Variants in ASAP1 observed in about 807,000 individuals in gnomAD.
ASAP1 encodes the protein ArfGAP with SH3 domain, ankyrin repeat and PH domain 1, also known as arf-GAP with SH3 domain, ANK repeat and PH domain-containing protein 1.
Under a neutral mutation model 145.2 loss-of-function variants are expected in ASAP1, and 43 were observed. That is an observed-to-expected ratio of 0.30 (90% CI 0.23 to 0.38). The LOEUF (loss-of-function observed/expected upper bound fraction) is 0.38, where lower values mean the gene tolerates loss of function less well. Ranked by LOEUF, ASAP1 falls within the 10% of genes least tolerant of loss-of-function variation. The pLI, the probability that ASAP1 is intolerant of heterozygous loss-of-function variation, is 1.00. For missense variants in ASAP1, 1,018 were observed against 1,355.3 expected, an observed-to-expected ratio of 0.75 and a Z score of 3.91; for synonymous variants, 546 against 515.5, an observed-to-expected ratio of 1.06 and a Z score of -0.80.
chr8:130,089,865 T>G (rs562217501), intron 25 of ASAP1, among the ~76,000 whole-genome samples: 1 of 152,348 alleles, frequency 6.6e-6, no homozygotes, highest in African/African-American at 2.4e-5. Flanking sequence ...TTTTTTAAAT[T>G]TAAAATTTTG....
intron 9 of ASAP1, 72 bp from the exon 10 acceptor site, chr8:130,169,139 T>C: frequency 1.1e-6 from 1 of 936,076 alleles, no homozygotes; most frequent in Non-Finnish European, 1.6e-6. Flanking sequence ...TATGTGGAAA[T>C]AAAAAAAGGA....
At chr8:130,427,768 C>T (rs2138751352) in intron 1 of ASAP1, 1 of 152,328 alleles carries the variant, frequency 6.6e-6, no homozygotes, top group Non-Finnish European at 1.5e-5. Flanking sequence ...ATCCGTGCTT[C>T]TCCCCTTCAG....
chr8:130,146,237 T>C (rs529166413), intron 13 of ASAP1, among the ~76,000 whole-genome samples: 17 of 152,256 alleles, frequency 1.1e-4, no homozygotes, highest in Admixed American at 3.3e-4. Context: ...CTTGGTTTTA[T>C]ACCTTCAAAT....
At chr8:130,069,347 C>T (rs2135163617) in intron 27 of ASAP1, among the ~76,000 whole-genome samples, 1 of 152,264 alleles carries the variant, frequency 6.6e-6, no homozygotes, top group Non-Finnish European at 1.5e-5. Context: ...GCAATCCTCC[C>T]ACTTCGGCCT....
At chr8:130,334,652 T>G (rs527867700) in intron 3 of ASAP1, among the ~76,000 whole-genome samples, 3 of 152,320 alleles carry the variant, frequency 2.0e-5, no homozygotes, top group African/African-American at 7.2e-5. Context: ...AAACACAAGA[T>G]GAATGAAAAG....
At chr8:130,383,981 A>G (rs1827897484) in intron 2 of ASAP1, among the ~76,000 whole-genome samples, 1 of 152,144 alleles carries the variant, frequency 6.6e-6, no homozygotes, top group African/African-American at 2.4e-5. Flanking sequence ...TGCCCTTCCT[A>G]CGGTTCATGG....
At chr8:130,066,677 TA>T (rs1384450918) in intron 27 of ASAP1, among the ~76,000 whole-genome samples, 1 of 152,108 alleles carries the variant, frequency 6.6e-6, no homozygotes, top group Non-Finnish European at 1.5e-5. Flanking sequence ...TTCCTATACC[TA>T]CCAACTACAC....
chr8:130,398,255 C>T (rs896919401), intron 2 of ASAP1, among the ~76,000 whole-genome samples: 1 of 152,192 alleles, frequency 6.6e-6, no homozygotes, highest in African/African-American at 2.4e-5. Flanking sequence ...CAGAAACCTG[C>T]CTTATGCTTC....
At chr8:130,227,540 G>A (rs960004974) in intron 4 of ASAP1, among the ~76,000 whole-genome samples, 3 of 151,912 alleles carry the variant, frequency 2.0e-5, no homozygotes, top group African/African-American at 7.3e-5. Flanking sequence ...CTACAGGCAT[G>A]AGCCACACTG....
intron 13 of ASAP1, among the ~76,000 whole-genome samples, chr8:130,152,330 A>C (rs1363843622): frequency 1.3e-5 from 2 of 152,210 alleles, no homozygotes; most frequent in Non-Finnish European, 2.9e-5. Context: ...TGTTGGTTTA[A>C]AAAGGGCAAA....
intron 20 of ASAP1, 89 bp from the exon 21 acceptor site, chr8:130,117,084 A>G: frequency 1.2e-6 from 1 of 832,540 alleles, no homozygotes; most frequent in South Asian, 1.8e-5. Flanking sequence ...CTGACAACTG[A>G]GTCAAATTTG....
intron 12 of ASAP1, among the ~76,000 whole-genome samples, chr8:130,158,350 A>AG (rs887246664): frequency 7.0e-6 from 1 of 143,480 alleles, no homozygotes; most frequent in African/African-American, 2.6e-5. Context: ...CTTATATTTA[A>AG]AAAAAAAAAA....
At chr8:130,184,364 T>C (rs1324664615) in intron 7 of ASAP1, among the ~76,000 whole-genome samples, 1 of 152,066 alleles carries the variant, frequency 6.6e-6, no homozygotes, top group Admixed American at 6.5e-5. Context: ...GAGGAACGTG[T>C]AGATAAGTCA....
chr8:130,322,219 T>C (rs1340022), intron 3 of ASAP1, among the ~76,000 whole-genome samples: 74,860 of 151,498 alleles, frequency 0.49, 18,859 homozygotes, highest in East Asian at 0.69. Context: ...CAGTGAAAAA[T>C]TGCATAAGAA....
intron 13 of ASAP1, among the ~76,000 whole-genome samples, chr8:130,137,544 G>A (rs2097597853): frequency 6.6e-6 from 1 of 152,100 alleles, no homozygotes; most frequent in East Asian, 1.9e-4. Flanking sequence ...CATTCAAAAT[G>A]ACCCCGGTAA....
At chr8:130,252,544 GTAATC>G (rs1282801124) in intron 3 of ASAP1, among the ~76,000 whole-genome samples, 21 of 152,114 alleles carry the variant, frequency 1.4e-4, no homozygotes, top group Non-Finnish European at 1.2e-4. Context: ...CATACTCTCA[GTAATC>G]TCCATGTTGC....
intron 3 of ASAP1, among the ~76,000 whole-genome samples, chr8:130,262,814 G>A (rs1250412239): frequency 6.6e-6 from 1 of 152,082 alleles, no homozygotes; most frequent in East Asian, 1.9e-4. Context: ...AAACACAAAA[G>A]CCTGTTCCAT....
In ASAP1 at chr8:130,379,657, T is replaced by C. The variant is rs1197218397; in HGVS notation, c.60-21514A>G. ...TTGGTATAGAGAAAACCCCAAACAT[T>C]TGGAGTCAGAAGTGGTGTCAGAAAG... On this transcript the variant is annotated intron_variant, in intron 2 of 29. Transcript: ENST00000518721. Among the ~76,000 whole-genome samples the C allele has an allele frequency of 3.9e-5, 6 of 152,064 alleles. No individual in the cohort carries two copies. In the East Asian group the frequency reaches 7.7e-4, roughly 20 times the overall value.
rs1047372824 is a variant in ASAP1, at chr8:130,358,801, C to A, written c.60-658G>T. On this transcript the variant is annotated intron_variant, in intron 2 of 29. Coordinates refer to ENST00000518721, the MANE Select transcript of ASAP1 (RefSeq NM_018482.4). This position sits in a 1 kb window ranked among gnomAD's most constrained non-coding sequence, Gnocchi z 4.1. Reference sequence around the variant, plus strand: ...CCCTGGGGCCTGGCTCCGAAGCTGCCGCTCCCGACCCCGGCTGCGCGGCAC... The same window carrying A: ...CCCTGGGGCCTGGCTCCGAAGCTGCAGCTCCCGACCCCGGCTGCGCGGCAC... Among the ~76,000 whole-genome samples the A allele has an allele frequency of 6.7e-6, 1 of 149,948 alleles. No individual in the cohort carries two copies. The highest frequency in any genetic ancestry group is 2.4e-5 in the African/African-American group (1 of 40,954).
Sources: allele counts gnomAD v4.1 joint callset (sites outside exome capture counted in the v4.1 genomes callset), GRCh38; gene constraint gnomAD v4.1.1; non-coding constraint Gnocchi (gnomAD v3.1); transcripts MANE v1.5; gene names NCBI Gene and HGNC (gene_info 2026-07-23, HGNC 2026-07-21).